The following SMURF2 variants were observed in gnomAD, a reference collection of about 807,000 sequenced individuals.
SMURF2 encodes the protein E3 ubiquitin-protein ligase SMURF2.
A neutral mutation model predicts 109.6 loss-of-function variants in SMURF2; 48 were observed. That is an observed-to-expected ratio of 0.44 (90% CI 0.35 to 0.56). SMURF2 has a LOEUF of 0.56. Among genes scored for constraint, SMURF2 ranks in the 20% least tolerant of loss-of-function variants. The pLI is 0.01. For synonymous variants in SMURF2, 288 were observed against 317.1 expected (o/e 0.91, Z 0.97); for missense variants, 575 against 909.0 (o/e 0.63, Z 4.72).
chr17:64,655,687 G>C (rs1183147730), intron 1 of SMURF2, among the ~76,000 whole-genome samples: 1 of 151,930 alleles, frequency 6.6e-6, no homozygotes, highest in Non-Finnish European at 1.5e-5. Flanking sequence ...AGGAGTTCGA[G>C]ACCAATCTGA....
chr17:64,659,801 T>C (rs1970751111), intron 1 of SMURF2, among the ~76,000 whole-genome samples: 2 of 152,124 alleles, frequency 1.3e-5, no homozygotes, highest in East Asian at 1.9e-4. Flanking sequence ...AGAAAAAATA[T>C]GTTAACTTTC....
intron 5 of SMURF2, among the ~76,000 whole-genome samples, chr17:64,587,969 A>T (rs1555687259): frequency 6.6e-6 from 1 of 152,050 alleles, no homozygotes; most frequent in East Asian, 1.9e-4. Flanking sequence ...TTAACTGGTT[A>T]AATGAATTAC....
chr17:64,591,709 C>T (rs1329111235), intron 4 of SMURF2, among the ~76,000 whole-genome samples: 2 of 152,160 alleles, frequency 1.3e-5, no homozygotes, highest in Non-Finnish European at 2.9e-5. Context: ...CTGAAAGTTA[C>T]AGTAAGGAAC....
intron 1 of SMURF2, among the ~76,000 whole-genome samples, chr17:64,661,129 C>G (rs1337802634): frequency 6.6e-6 from 1 of 152,104 alleles, no homozygotes; most frequent in African/African-American, 2.4e-5. Flanking sequence ...AAGTTAGACA[C>G]AAGTTCTGCG....
rs535247701 is a variant in SMURF2 at position 64,586,487 on chromosome 17, G to T, written c.401-317C>A. On this transcript the variant is annotated intron_variant, in intron 5 of 18. Coordinates refer to ENST00000262435, the MANE Select transcript of SMURF2 (RefSeq NM_022739.4). ...GGCATAGCTGGGCGCGGTGGCTCAT[G>T]CCTGTAATCCCAGCACTTTGGGAGG... Among the ~76,000 whole-genome samples the T allele has an allele frequency of 5.9e-5, 9 of 152,264 alleles. No homozygotes were observed. The East Asian group carries it at 1.7e-3, about 29-fold the overall frequency.
chr17:64,563,020 A>T (rs941151215), intron 10 of SMURF2, 54 bp from the exon 11 acceptor site: 28 of 1,436,642 alleles, frequency 1.9e-5, no homozygotes, highest in Non-Finnish European at 2.5e-5. Flanking sequence ...TAAAAATTGC[A>T]ATTATAGATT....
Position 64,561,539 on chromosome 17 carries a change from A to T in SMURF2, c.1277T>A (p.Phe426Tyr). ...KDLWKRLMIKFRGEEGLDYGG... is the reference protein window; with the variant it reads ...KDLWKRLMIKYRGEEGLDYGG... Reference sequence around the variant, plus strand: ...ATAGTCAAGGCCTTCTTCTCCACGAAATTTTATCATTAATCGCTTCCAGAG... The same window carrying T: ...ATAGTCAAGGCCTTCTTCTCCACGATATTTTATCATTAATCGCTTCCAGAG... Residue 426 changes from phenylalanine (F) to tyrosine (Y), a missense_variant, in exon 12 of 19, where the codon TTT becomes TAT. Physicochemically the swap from Phe to Tyr is conservative, Grantham distance 22. Coordinates refer to ENST00000262435, the MANE Select transcript of SMURF2 (RefSeq NM_022739.4). 6.2e-7 allele frequency: 1 copy of T among 1,614,000 alleles called. No individual in the cohort carries two copies. Among genetic ancestry groups the T allele is most frequent in the Non-Finnish European group, 8.5e-7 (1 of 1,180,000 alleles).
intron 1 of SMURF2, among the ~76,000 whole-genome samples, chr17:64,611,182 C>T (rs781996433): frequency 4.6e-4 from 70 of 152,268 alleles, no homozygotes; most frequent in Admixed American, 7.8e-4. Flanking sequence ...TGCAATTATA[C>T]GTAAACTGTT....
At chr17:64,596,075 G>T (rs1223575618) in intron 3 of SMURF2, among the ~76,000 whole-genome samples, 2 of 151,642 alleles carry the variant, frequency 1.3e-5, no homozygotes, top group African/African-American at 4.8e-5. Flanking sequence ...GAAAACCGCT[G>T]ATTTTTTAGA....
intron 4 of SMURF2, 145 bp from the exon 5 acceptor site, chr17:64,591,294 G>A: frequency 1.7e-6 from 1 of 588,554 alleles, no homozygotes; most frequent in Non-Finnish European, 2.9e-6. Context: ...CCAAACACTG[G>A]TGTATTACAT....
At chr17:64,599,910 T>C (rs1969870697) in intron 2 of SMURF2, among the ~76,000 whole-genome samples, 1 of 152,204 alleles carries the variant, frequency 6.6e-6, no homozygotes, top group Non-Finnish European at 1.5e-5. Flanking sequence ...TTGAAGAGTC[T>C]AACCAAAGAG....
Position 64,581,066 on chromosome 17 carries a change from T to C in SMURF2, c.570-75A>G. On this transcript the variant is annotated intron_variant, in intron 7 of 18. Transcript: ENST00000262435. This position sits in a 1 kb window ranked among gnomAD's most constrained non-coding sequence, Gnocchi z 4.3. Reference sequence around the variant, plus strand: ...TAGAGTTCTCTAGACAATATATATATACTGCAGTAACAACCACTTATCATG... The same window carrying C: ...TAGAGTTCTCTAGACAATATATATACACTGCAGTAACAACCACTTATCATG... The C allele has an allele frequency of 1.6e-6, 2 of 1,284,538 alleles. No homozygotes were observed. Among genetic ancestry groups the C allele is most frequent in the Non-Finnish European group, 2.2e-6 (2 of 895,214 alleles). 79.6% of individuals were successfully genotyped at this position (1,284,538 alleles called of 1,614,324 possible).
intron 9 of SMURF2, among the ~76,000 whole-genome samples, chr17:64,576,283 C>A (rs369538767): frequency 8.5e-5 from 13 of 152,134 alleles, no homozygotes; most frequent in African/African-American, 3.1e-4. Flanking sequence ...ATTTGTGTGT[C>A]ATTTCATCTT....
intron 1 of SMURF2, among the ~76,000 whole-genome samples, chr17:64,653,587 A>T (rs1364185858): frequency 3.3e-5 from 5 of 152,188 alleles, no homozygotes. Context: ...GGTAGCTGAT[A>T]CTACAGGCAC....
At chr17:64,557,790 A>G in intron 12 of SMURF2, 68 bp from the exon 13 acceptor site, 1 of 787,962 alleles carries the variant, frequency 1.3e-6, no homozygotes, top group Non-Finnish European at 2.1e-6. Context: ...ATATGTCATT[A>G]ACTAATCATT....
chr17:64,653,449 G>T (rs1970664649), intron 1 of SMURF2, among the ~76,000 whole-genome samples: 1 of 138,892 alleles, frequency 7.2e-6, no homozygotes, highest in African/African-American at 2.7e-5. Flanking sequence ...AATGCAAAAT[G>T]GTACAACTTT....
intron 11 of SMURF2, 50 bp downstream of exon 11, chr17:64,562,721 G>A (rs1969239869): frequency 1.3e-6 from 2 of 1,559,246 alleles, no homozygotes; most frequent in African/African-American, 2.7e-5. Context: ...AGCAAGCAAT[G>A]GGTTTCTGGA....
intron 13 of SMURF2, among the ~76,000 whole-genome samples, chr17:64,557,362 C>A (rs1969137000): frequency 6.6e-6 from 1 of 152,166 alleles, no homozygotes; most frequent in Non-Finnish European, 1.5e-5. Flanking sequence ...TTTAATCAGT[C>A]CCCGCTCCTG....
intron 1 of SMURF2, among the ~76,000 whole-genome samples, chr17:64,646,453 G>A (rs781941079): frequency 4.7e-5 from 7 of 148,356 alleles, no homozygotes; most frequent in South Asian, 2.1e-4. Context: ...GCACCATCTC[G>A]GCTCACTGCA....
Sources: allele counts gnomAD v4.1 joint callset (sites outside exome capture counted in the v4.1 genomes callset), GRCh38; gene constraint gnomAD v4.1.1; non-coding constraint Gnocchi (gnomAD v3.1); transcripts MANE v1.5; gene names NCBI Gene and HGNC (gene_info 2026-07-23, HGNC 2026-07-21).